The following ADAMTS6 variants were observed in gnomAD, a reference collection of about 807,000 sequenced individuals.
ADAMTS6 encodes A disintegrin and metalloproteinase with thrombospondin motifs 6.
ADAMTS6 carries 23 observed loss-of-function variants against 144.3 expected under a neutral mutation model. The ratio of observed to expected loss-of-function variants is 0.16; its 90% CI spans 0.11 to 0.23. The LOEUF is 0.23. ADAMTS6 is among the 10% of genes least tolerant of loss of function. The pLI is 1.00. For synonymous variants in ADAMTS6, 444 were observed against 457.5 expected (o/e 0.97, Z 0.38); for missense variants, 999 against 1,379.6 (o/e 0.72, Z 4.37).
At chr5:65,324,795 A>G (rs1447140676) in intron 9 of ADAMTS6, among the ~76,000 whole-genome samples, 1 of 152,184 alleles carries the variant, frequency 6.6e-6, no homozygotes, top group African/African-American at 2.4e-5. Flanking sequence ...GCTCACCATC[A>G]CTAACTTCAT....
intron 3 of ADAMTS6, among the ~76,000 whole-genome samples, chr5:65,460,662 C>T (rs961981734): frequency 2.6e-5 from 4 of 152,200 alleles, no homozygotes; most frequent in African/African-American, 9.7e-5. Context: ...ACATTATGCA[C>T]ATAACTATGT....
At chr5:65,426,506 A>T (rs1756549442) in intron 7 of ADAMTS6, among the ~76,000 whole-genome samples, 1 of 152,100 alleles carries the variant, frequency 6.6e-6, no homozygotes, top group African/African-American at 2.4e-5. Flanking sequence ...TAAAAAATTT[A>T]AAAATACTTA....
At chr5:65,389,984 A>G (rs58964982) in intron 7 of ADAMTS6, among the ~76,000 whole-genome samples, 24,862 of 152,178 alleles carry the variant, frequency 0.16, 2,522 homozygotes, top group African/African-American at 0.28. Flanking sequence ...CTCAAAGCCC[A>G]AAATCACAGT....
rs867204863 is a variant in ADAMTS6 at position 65,302,115 on chromosome 5, T to A, written c.1224-1984A>T. 5.3e-4 allele frequency among the ~76,000 whole-genome samples: 75 copies of A among 142,156 alleles called. 2 individuals carry two copies. Among genetic ancestry groups the A allele is most frequent in the African/African-American group, 1.8e-3 (69 of 38,884 alleles). 93.3% of individuals were successfully genotyped at this position (142,156 alleles called of 152,430 possible). ...TCCAAAAAAAAAAAAAAAATATATA[T>A]ATATATATATATATGCACATATAAT... On this transcript the variant is annotated intron_variant, in intron 9 of 24. Coordinates refer to ENST00000381055, the MANE Select transcript of ADAMTS6 (RefSeq NM_197941.4).
At chr5:65,286,241 A>C (rs1451127057) in intron 11 of ADAMTS6, among the ~76,000 whole-genome samples, 1 of 152,230 alleles carries the variant, frequency 6.6e-6, no homozygotes, top group Non-Finnish European at 1.5e-5. Context: ...AAAAGTGCCC[A>C]AAACTGAGTA....
intron 7 of ADAMTS6, among the ~76,000 whole-genome samples, chr5:65,355,221 G>C (rs565121331): frequency 1.0e-3 from 155 of 151,888 alleles, no homozygotes; most frequent in African/African-American, 3.6e-3. Context: ...ATAGTTAAAA[G>C]ATGTGATGAT....
intron 22 of ADAMTS6, among the ~76,000 whole-genome samples, chr5:65,177,699 T>G (rs1488882155): frequency 2.0e-5 from 3 of 152,086 alleles, no homozygotes; most frequent in African/African-American, 7.2e-5. Context: ...TAAAACAAAC[T>G]TTGGCAATTA....
intron 21 of ADAMTS6, among the ~76,000 whole-genome samples, chr5:65,189,350 A>G (rs910628512): frequency 6.6e-6 from 1 of 152,216 alleles, no homozygotes; most frequent in Non-Finnish European, 1.5e-5. Context: ...GAATTTTTAT[A>G]TCTCAACTGG....
chr5:65,391,573 T>C (rs1371802316), intron 7 of ADAMTS6, among the ~76,000 whole-genome samples: 1 of 152,150 alleles, frequency 6.6e-6, no homozygotes, highest in Non-Finnish European at 1.5e-5. Context: ...CACTTTTACC[T>C]ACTCTACCAT....
At chr5:65,438,389 G>A (rs1405673680) in intron 7 of ADAMTS6, among the ~76,000 whole-genome samples, 2 of 152,262 alleles carry the variant, frequency 1.3e-5, no homozygotes, top group South Asian at 2.1e-4. Context: ...TTAGCCAGCC[G>A]TGGTGTCGGG....
rs759234353 is a variant in ADAMTS6 at position 65,262,896 on chromosome 5, G to A, written c.1687C>T (p.Pro563Ser). Residue 563 changes from proline (P) to serine (S), a missense_variant, in exon 13 of 25, where the codon CCC becomes TCC. Transcript: ENST00000381055. Reference protein sequence around the residue: ...WPQSIDGGWGPWSLWGECSRT... With the variant: ...WPQSIDGGWGSWSLWGECSRT... ...CTGCACTCTCCCCATAGTGACCAGG[G>A]ACCCCAGCCCCCATCTATGCTCTGG... 8 of 1,612,810 alleles carry A rather than the reference G, an allele frequency of 5.0e-6. No individual in the cohort carries two copies. In the African/African-American group the frequency reaches 6.7e-5, roughly 13 times the overall value.
intron 7 of ADAMTS6, among the ~76,000 whole-genome samples, chr5:65,433,600 T>C (rs962544545): frequency 1.3e-5 from 2 of 152,214 alleles, no homozygotes; most frequent in Non-Finnish European, 2.9e-5. Flanking sequence ...GTACCTTACA[T>C]ATTTCTTGAA....
chr5:65,364,568 T>TC (rs1750123964), intron 7 of ADAMTS6, among the ~76,000 whole-genome samples: 1 of 133,646 alleles, frequency 7.5e-6, no homozygotes, highest in African/African-American at 3.7e-5. Flanking sequence ...TTCTTTCTTT[T>TC]TTTTTTTTTT....
At chr5:65,165,956 G>A (rs1271891192) in intron 24 of ADAMTS6, among the ~76,000 whole-genome samples, 1 of 149,754 alleles carries the variant, frequency 6.7e-6, no homozygotes, top group African/African-American at 2.5e-5. Flanking sequence ...ATCGAGACTA[G>A]GAAGAAACTG....
At position 65,214,524 on chromosome 5, in the gene ADAMTS6, C is replaced by T. The variant is rs1756768776; in HGVS notation, c.2575+270G>A. 1 of 503,468 alleles carries T rather than the reference C, an allele frequency of 2.0e-6. No homozygotes were observed. Among genetic ancestry groups the T allele is most frequent in the South Asian group, 2.1e-5 (1 of 47,290 alleles). The allele number at this position is 503,468 out of a possible 1,614,324, so 31.2% of individuals were successfully genotyped here. Reference sequence around the variant, plus strand: ...ATGTGTTCACGAAAGGCAAACAGCCCACCTTCAAGATAGTCTTGGGAGAAG... The same window carrying T: ...ATGTGTTCACGAAAGGCAAACAGCCTACCTTCAAGATAGTCTTGGGAGAAG... On this transcript the variant is annotated intron_variant, in intron 20 of 24. Transcript: ENST00000381055. This position sits in a 1 kb window ranked among gnomAD's most constrained non-coding sequence, Gnocchi z 4.6.
intron 7 of ADAMTS6, among the ~76,000 whole-genome samples, chr5:65,412,752 AAAAAC>A (rs753480232): frequency 6.6e-6 from 1 of 152,174 alleles, no homozygotes; most frequent in Non-Finnish European, 1.5e-5. Context: ...AATAACAACT[AAAAAC>A]AAAATAAATG....
chr5:65,252,947 T>C (rs1019338987), intron 14 of ADAMTS6, among the ~76,000 whole-genome samples: 4 of 152,138 alleles, frequency 2.6e-5, no homozygotes, highest in Non-Finnish European at 5.9e-5. Flanking sequence ...TGGAGGGTAG[T>C]GAGCCTCTCA....
At chr5:65,268,499 A>C (rs1761804484) in intron 12 of ADAMTS6, among the ~76,000 whole-genome samples, 1 of 152,130 alleles carries the variant, frequency 6.6e-6, no homozygotes, top group Non-Finnish European at 1.5e-5. Context: ...GCTGAAAGTT[A>C]TATTAATTGA....
chr5:65,377,701 G>T (rs1751685813), intron 7 of ADAMTS6, among the ~76,000 whole-genome samples: 1 of 151,978 alleles, frequency 6.6e-6, no homozygotes, highest in South Asian at 2.1e-4. Context: ...TGGGTGGGAG[G>T]GATGGTAAGA....
Sources: allele counts gnomAD v4.1 joint callset (sites outside exome capture counted in the v4.1 genomes callset), GRCh38; gene constraint gnomAD v4.1.1; non-coding constraint Gnocchi (gnomAD v3.1); transcripts MANE v1.5; gene names NCBI Gene and HGNC (gene_info 2026-07-23, HGNC 2026-07-21).